Variants in PFKFB2 observed in about 807,000 individuals in gnomAD.
PFKFB2 encodes 6-phosphofructo-2-kinase/fructose-2,6-biphosphatase 2.
A neutral mutation model predicts 68.0 loss-of-function variants in PFKFB2; 53 were observed. That is an observed-to-expected ratio of 0.78 (90% CI 0.63 to 0.98). The LOEUF (loss-of-function observed/expected upper bound fraction) is 0.98, where lower values mean the gene tolerates loss of function less well. Among genes scored for constraint, PFKFB2 ranks in the 50% least tolerant of loss-of-function variants. PFKFB2 has a pLI of 0.00. For missense variants in PFKFB2, 451 were observed against 642.0 expected (o/e 0.70, Z 3.22); for synonymous variants, 222 against 227.6 (o/e 0.98, Z 0.22).
At chr1:207,053,975 C>G (rs1682837830) in intron 1 of PFKFB2, among the ~76,000 whole-genome samples, 1 of 137,858 alleles carries the variant, frequency 7.3e-6, no homozygotes, top group Non-Finnish European at 1.5e-5. Flanking sequence ...GGGATCTTGG[C>G]TCACTGCAAC....
At chr1:207,061,201 A>ATT (rs1377862167) in intron 2 of PFKFB2, among the ~76,000 whole-genome samples, 2 of 114,222 alleles carry the variant, frequency 1.8e-5, no homozygotes, top group African/African-American at 3.2e-5. Context: ...ATATATATAT[A>ATT]TTTTAAGAGA....
intron 2 of PFKFB2, among the ~76,000 whole-genome samples, chr1:207,059,003 T>C (rs1189538310): frequency 1.3e-5 from 2 of 152,196 alleles, no homozygotes; most frequent in Non-Finnish European, 2.9e-5. Flanking sequence ...GGACAGAATG[T>C]TCCTACTTTT....
At chr1:207,058,989 G>A (rs1683007568) in intron 2 of PFKFB2, among the ~76,000 whole-genome samples, 1 of 152,204 alleles carries the variant, frequency 6.6e-6, no homozygotes, top group Non-Finnish European at 1.5e-5. Context: ...TTTTTTAACA[G>A]GCAGGACAGA....
At chr1:207,051,048 G>A (rs749417164), upstream of PFKFB2, 3 of 1,486,164 alleles carry the variant, frequency 2.0e-6, no homozygotes, top group Non-Finnish European at 2.7e-6. Context: ...AGTTGCGGGT[G>A]GTTGCAGTTA....
At chr1:207,051,038 AGTTGCGGGTG>A (rs1462129028), upstream of PFKFB2, 1 of 1,495,656 alleles carries the variant, frequency 6.7e-7, no homozygotes, top group East Asian at 2.5e-5. Context: ...CATCGCGAGA[AGTTGCGGGTG>A]GTTGCAGTTA....
intron 10 of PFKFB2, 86 bp downstream of exon 10, chr1:207,068,395 T>A: frequency 8.5e-7 from 1 of 1,178,002 alleles, no homozygotes; most frequent in Non-Finnish European, 1.1e-6. Flanking sequence ...CAGTTTTATC[T>A]AGGAAACTAC....
At chr1:207,050,122 T>C (rs547941392), upstream of PFKFB2, among the ~76,000 whole-genome samples, 37 of 152,248 alleles carry the variant, frequency 2.4e-4, no homozygotes, top group Non-Finnish European at 4.8e-4. Flanking sequence ...ACATCCTTGA[T>C]ACAGCAACTG....
Position 207,067,488 on chromosome 1 carries a change from TCCTGTCCCAGGGA to T in PFKFB2, c.633-10_635del, listed in dbSNP as rs1572730145. ...TACCTAGGGAATTTTTTTTTTCCTT[TCCTGTCCCAGGGA>T]TCTTTCTTTCATCAAGGTGATAAAC... On this transcript the variant is annotated splice_acceptor_variant and splice_polypyrimidine_tract_variant and coding_sequence_variant and intron_variant, in exon 9 of 15. Coordinates refer to ENST00000367080, the MANE Select transcript of PFKFB2 (RefSeq NM_006212.2). LOFTEE classifies it high-confidence loss of function. 1 of 1,603,518 alleles carries T rather than the reference TCCTGTCCCAGGGA, an allele frequency of 6.2e-7. No individual in the cohort carries two copies. Among genetic ancestry groups the T allele is most frequent in the Non-Finnish European group, 8.5e-7 (1 of 1,173,276 alleles).
At chr1:207,053,857 C>T (rs1682828361) in intron 1 of PFKFB2, among the ~76,000 whole-genome samples, 1 of 151,686 alleles carries the variant, frequency 6.6e-6, no homozygotes, top group African/African-American at 2.4e-5. Context: ...TCGAGATTTT[C>T]CCACGTCCCT....
At chr1:207,054,160 C>T (rs1276279652) in intron 1 of PFKFB2, among the ~76,000 whole-genome samples, 1 of 151,958 alleles carries the variant, frequency 6.6e-6, no homozygotes. Flanking sequence ...CCTCAGCCTC[C>T]CCAAGTGTTG....
rs77563599 is a variant in PFKFB2 at position 207,071,419 on chromosome 1, G to C, written c.1286-90G>C. 14 of 1,147,852 alleles carry C rather than the reference G, an allele frequency of 1.2e-5. No individual in the cohort carries two copies. The Admixed American group carries it at 2.4e-4, about 20-fold the overall frequency. 71.1% of individuals were successfully genotyped at this position (1,147,852 alleles called of 1,614,324 possible). On this transcript the variant is annotated intron_variant, in intron 13 of 14. Transcript: ENST00000367080. ...CATGACTGTGTGTATTGCAGAATGC[G>C]TACATTCCTTTGTGGTATACTTTCC...
At position 207,056,559 on chromosome 1, in the gene PFKFB2, C is replaced by T. The variant is rs536019030; in HGVS notation, c.85+1757C>T. ...GAATCTCTTCTACCTGCTTTCCTAA[C>T]TCTTCTGTAGTTCCTTTGCCTTGAG... On this transcript the variant is annotated intron_variant, in intron 2 of 14. Coordinates refer to ENST00000367080, the MANE Select transcript of PFKFB2 (RefSeq NM_006212.2). Among the ~76,000 whole-genome samples the T allele has an allele frequency of 3.9e-5, 6 of 151,976 alleles. No individual in the cohort carries two copies. In the East Asian group the frequency reaches 1.2e-3, roughly 29 times the overall value.
At chr1:207,053,274 C>G (rs140854483), upstream of PFKFB2, 1 of 152,716 alleles carries the variant, frequency 6.5e-6, no homozygotes, top group Non-Finnish European at 1.5e-5. Flanking sequence ...ACTGTAGCGC[C>G]GGTCCCGGCC....
chr1:207,062,541 C>A lies in PFKFB2; in HGVS notation c.212-79C>A. 3.2e-6 allele frequency: 5 copies of A among 1,571,088 alleles called. No homozygotes were observed. In the South Asian group the frequency reaches 6.0e-5, roughly 19 times the overall value. On this transcript the variant is annotated intron_variant, in intron 3 of 14. Transcript: ENST00000367080. ...TTTTTCATCCCCTTGGTCACTCCGACATTAGGCCAAGAAACAAGTCCCATT... is the reference window on the plus strand; with the variant it reads ...TTTTTCATCCCCTTGGTCACTCCGAAATTAGGCCAAGAAACAAGTCCCATT...
intron 3 of PFKFB2, 39 bp downstream of exon 3, chr1:207,062,117 T>C (rs747705036): frequency 5.0e-6 from 8 of 1,613,340 alleles, no homozygotes; most frequent in Non-Finnish European, 5.9e-6. Context: ...CAATTATTAG[T>C]TCCTGGGCCT....
At position 207,072,410 on chromosome 1, in the gene PFKFB2, T is replaced by C. The variant is rs775616682; in HGVS notation, c.*39T>C. 1 of 1,598,950 alleles carries C rather than the reference T, an allele frequency of 6.3e-7. No homozygotes were observed. Among genetic ancestry groups the C allele is most frequent in the Non-Finnish European group, 8.5e-7 (1 of 1,172,126 alleles). On this transcript the variant is annotated 3_prime_UTR_variant, in exon 15 of 15. Coordinates refer to ENST00000367080, the MANE Select transcript of PFKFB2 (RefSeq NM_006212.2). ...TCAGCATTCCGGTGGTGTAACTGTG[T>C]GTTTCCCTCCAGCCCTGGCCTCCTG...
At position 207,072,660 on chromosome 1, in the gene PFKFB2, C is replaced by T. The variant is rs1237291017; in HGVS notation, c.*289C>T. ...TCTGGAGGAGGAGGAAAAAGATACA[C>T]TCCCTTGGGGCTGAGCATGCCCCAC... On this transcript the variant is annotated 3_prime_UTR_variant, in exon 15 of 15. Coordinates refer to ENST00000367080, the MANE Select transcript of PFKFB2 (RefSeq NM_006212.2). The T allele has an allele frequency of 1.7e-6, 2 of 1,172,608 alleles. No homozygotes were observed. The highest frequency in any genetic ancestry group is 1.6e-5 in the African/African-American group (1 of 63,234). 72.6% of individuals were successfully genotyped at this position (1,172,608 alleles called of 1,614,324 possible).
intron 1 of PFKFB2, among the ~76,000 whole-genome samples, chr1:207,040,922 GA>G (rs1289684813): frequency 8.1e-6 from 1 of 124,030 alleles, no homozygotes; most frequent in African/African-American, 3.4e-5. Flanking sequence ...ATTTAAAACA[GA>G]TTTTTTTTTT....
At chr1:207,050,896 C>T (rs1682728933), upstream of PFKFB2, 1 of 1,607,560 alleles carries the variant, frequency 6.2e-7, no homozygotes, top group Non-Finnish European at 8.5e-7. Context: ...GCCGCCACAT[C>T]GTGTCGGTCC....
Sources: allele counts gnomAD v4.1 joint callset (sites outside exome capture counted in the v4.1 genomes callset), GRCh38; gene constraint gnomAD v4.1.1; transcripts MANE v1.5; gene names NCBI Gene and HGNC (gene_info 2026-07-23, HGNC 2026-07-21).